The following MYOM1 variants were observed in gnomAD, a reference collection of about 807,000 sequenced individuals.
MYOM1 encodes myomesin 1.
MYOM1 carries 164 observed loss-of-function variants against 205.3 expected under a neutral mutation model. The ratio of observed to expected loss-of-function variants is 0.80; its 90% CI spans 0.70 to 0.91. The LOEUF is 0.91. Among genes scored for constraint, MYOM1 ranks in the 40% least tolerant of loss-of-function variants. The pLI, the probability that MYOM1 is intolerant of heterozygous loss-of-function variation, is 0.00. For synonymous variants in MYOM1, 772 were observed against 789.4 expected (o/e 0.98, Z 0.37); for missense variants, 2,011 against 2,127.3 (o/e 0.95, Z 1.08).
chr18:3,196,058 C>T (rs1293837918), intron 2 of MYOM1, among the ~76,000 whole-genome samples: 1 of 152,108 alleles, frequency 6.6e-6, no homozygotes, highest in Non-Finnish European at 1.5e-5. Flanking sequence ...TTCTTCAAGC[C>T]TTTGATTTCT....
At chr18:3,242,323 A>T in the MYOM1 span, among the ~76,000 whole-genome samples, 7 of 152,044 alleles carry the variant, frequency 4.6e-5, no homozygotes, top group African/African-American at 7.2e-5. Flanking sequence ...TGCTATTCTC[A>T]TGATAGTTAA....
At chr18:3,128,241 G>A (rs1328737955) in intron 18 of MYOM1, among the ~76,000 whole-genome samples, 2 of 152,040 alleles carry the variant, frequency 1.3e-5, no homozygotes, top group Non-Finnish European at 2.9e-5. Flanking sequence ...GAGCATTGTT[G>A]AATATGTGCT....
At chr18:3,128,467 T>A (rs562915454) in intron 18 of MYOM1, among the ~76,000 whole-genome samples, 1 of 152,344 alleles carries the variant, frequency 6.6e-6, no homozygotes, top group South Asian at 2.1e-4. Context: ...AATCAGATCA[T>A]TCTTAGCCTA....
In MYOM1 at chr18:3,189,182, G is replaced by GTATC. The variant is rs1376398070; in HGVS notation, c.432-99_432-96dup. 1 of 1,178,794 alleles carries GTATC rather than the reference G, an allele frequency of 8.5e-7. No individual in the cohort carries two copies. Among genetic ancestry groups the GTATC allele is most frequent in the Admixed American group, 2.4e-5 (1 of 41,276 alleles). The allele number at this position is 1,178,794 out of a possible 1,614,324, so 73.0% of individuals were successfully genotyped here. ...TTCAAAGTACCACATCTCAGACACT[G>GTATC]TATCCTGCACCAAAAGAAAATCCGA... On this transcript the variant is annotated intron_variant, in intron 3 of 37. Coordinates refer to ENST00000356443, the MANE Select transcript of MYOM1 (RefSeq NM_003803.4). This position sits in a 1 kb window ranked among gnomAD's most constrained non-coding sequence, Gnocchi z 4.8.
chr18:3,234,240 T>G, the MYOM1 span, among the ~76,000 whole-genome samples: 1 of 152,204 alleles, frequency 6.6e-6, no homozygotes, highest in Non-Finnish European at 1.5e-5. Context: ...ATTGAAAAAC[T>G]TCTACTTAGC....
chr18:3,098,152 G>A (rs780535287), intron 25 of MYOM1, among the ~76,000 whole-genome samples: 5 of 152,194 alleles, frequency 3.3e-5, no homozygotes, highest in Non-Finnish European at 7.3e-5. Flanking sequence ...GGAGACTTCT[G>A]CGTTGGGCAG....
intron 10 of MYOM1, among the ~76,000 whole-genome samples, chr18:3,155,445 T>C (rs112380248): frequency 0.014 from 2,097 of 152,280 alleles, 22 homozygotes; most frequent in South Asian, 0.022. Flanking sequence ...AGGATGGTCT[T>C]GATCTCCTGA....
chr18:3,090,767 G>C lies in MYOM1; in HGVS notation c.3900C>G (p.Ile1300Met), dbSNP rs2079215717. The change falls in exon 27 of 38, where the codon ATC becomes ATG. Residue 1300 changes from isoleucine (I) to methionine (M), a missense_variant. Transcript: ENST00000356443. ...GTAGCTTTTCCATGAACATTTCGATGATGCCAGTGTTTCGGTCAATATGCA... is the reference window on the plus strand; with the variant it reads ...GTAGCTTTTCCATGAACATTTCGATCATGCCAGTGTTTCGGTCAATATGCA... Reference protein sequence around the residue: ...YKMHIDRNTGIIEMFMEKLQD... With the variant: ...YKMHIDRNTGMIEMFMEKLQD... 3 of 1,613,934 alleles carry C rather than the reference G, an allele frequency of 1.9e-6. No homozygotes were observed. In the East Asian group the frequency reaches 6.7e-5, roughly 36 times the overall value.
intron 18 of MYOM1, 28 bp downstream of exon 18, chr18:3,129,204 G>T: frequency 6.2e-7 from 1 of 1,602,764 alleles, no homozygotes. Context: ...GGAGACGGAT[G>T]GAACAGCTTC....
intron 25 of MYOM1, among the ~76,000 whole-genome samples, chr18:3,094,687 G>A (rs986070410): frequency 1.3e-5 from 2 of 150,896 alleles, no homozygotes; most frequent in African/African-American, 4.9e-5. Context: ...TTTGCAATAG[G>A]TTCTCACTCT....
In MYOM1 at chr18:3,151,757, A is replaced by C; in HGVS notation, c.1780T>G (p.Phe594Val). The C allele has an allele frequency of 3.7e-6, 6 of 1,613,870 alleles. No homozygotes were observed. The highest frequency in any genetic ancestry group is 5.1e-6 in the Non-Finnish European group (6 of 1,179,816). ...ACGGGCTCGGAAACTCGAGATGGGAAACCTATTCCCATTTTATTCACAGCT... is the reference window on the plus strand; with the variant it reads ...ACGGGCTCGGAAACTCGAGATGGGACACCTATTCCCATTTTATTCACAGCT... ...VRAVNKMGIG[F>V]PSRVSEPVAA... Residue 594 changes from phenylalanine to valine, a missense_variant, in exon 12 of 38, where the codon TTC becomes GTC. Transcript: ENST00000356443.
At position 3,179,827 on chromosome 18, in the gene MYOM1, C is replaced by A. The variant is rs1419084156; in HGVS notation, c.930-3693G>T. Among the ~76,000 whole-genome samples the A allele has an allele frequency of 6.6e-6, 1 of 152,214 alleles. No homozygotes were observed. Among genetic ancestry groups the A allele is most frequent in the African/African-American group, 2.4e-5 (1 of 41,448 alleles). The stretch of plus-strand genomic sequence containing the variant: ...GGTAATTTCACACTGGACTCAAGCT[C>A]ACTCTGGCTCTGCTCTTTCTTGTGC... On this transcript the variant is annotated intron_variant, in intron 5 of 37. Coordinates refer to ENST00000356443, the MANE Select transcript of MYOM1 (RefSeq NM_003803.4). The surrounding 1 kb of genome is among the most constrained non-coding windows in gnomAD (Gnocchi z 4.4).
At chr18:3,108,297 C>T (rs1042300223) in intron 22 of MYOM1, among the ~76,000 whole-genome samples, 1 of 152,148 alleles carries the variant, frequency 6.6e-6, no homozygotes, top group Admixed American at 6.5e-5. Flanking sequence ...GGCGATTACA[C>T]TAACAAAGAA....
At chr18:3,107,983 T>C (rs1294321140) in intron 22 of MYOM1, among the ~76,000 whole-genome samples, 2 of 152,236 alleles carry the variant, frequency 1.3e-5, no homozygotes, top group East Asian at 1.9e-4. Flanking sequence ...GTTGCTCCTA[T>C]AGATAACATC....
chr18:3,202,811 C>T (rs577418230), intron 2 of MYOM1, among the ~76,000 whole-genome samples: 6 of 152,176 alleles, frequency 3.9e-5, no homozygotes, highest in African/African-American at 7.2e-5. Context: ...ATCACCTTGA[C>T]GTGACTGATC....
chr18:3,177,275 AAAAT>A (rs2080655954), intron 5 of MYOM1, among the ~76,000 whole-genome samples: 1 of 152,064 alleles, frequency 6.6e-6, no homozygotes, highest in Non-Finnish European at 1.5e-5. Flanking sequence ...AAGCTTTTTA[AAAAT>A]AAATAAAACA....
At chr18:3,088,084 T>C (rs754629) in intron 29 of MYOM1, among the ~76,000 whole-genome samples, 22,236 of 152,080 alleles carry the variant, frequency 0.15, 2,593 homozygotes, top group African/African-American at 0.32. Flanking sequence ...CAGAACTGTG[T>C]GAATATTCAC....
chr18:3,227,493 TAG>T, the MYOM1 span, among the ~76,000 whole-genome samples: 1 of 152,044 alleles, frequency 6.6e-6, no homozygotes. Flanking sequence ...GCTTAATGGG[TAG>T]AGTTTCAACA....
At chr18:3,227,912 CCTAAAATGG>C in the MYOM1 span, among the ~76,000 whole-genome samples, 174 of 152,116 alleles carry the variant, frequency 1.1e-3, no homozygotes, top group African/African-American at 4.1e-3. Context: ...GAACTGTATC[CCTAAAATGG>C]CTAAAATGGT....
Sources: gnomAD v4.1 joint callset for allele counts (sites outside exome capture counted in the v4.1 genomes callset) on GRCh38, gnomAD v4.1.1 for gene constraint, Gnocchi (gnomAD v3.1) non-coding constraint, MANE v1.5 for transcripts, NCBI Gene and HGNC (gene_info 2026-07-23, HGNC 2026-07-21) for gene names.